The following SAMD12 variants were observed in gnomAD, a reference collection of about 807,000 sequenced individuals.
SAMD12 encodes sterile alpha motif domain-containing protein 12.
SAMD12 carries 9 observed loss-of-function variants against 15.0 expected under a neutral mutation model. That is an observed-to-expected ratio of 0.60 (90% CI 0.36 to 1.05). The LOEUF (loss-of-function observed/expected upper bound fraction) is 1.05. SAMD12 is among the 50% of genes least tolerant of loss of function. SAMD12 has a pLI of 0.01. For synonymous variants in SAMD12, 86 were observed against 90.1 expected, an observed-to-expected ratio of 0.96 and a Z score of 0.25; for missense variants, 230 against 234.2, an observed-to-expected ratio of 0.98 and a Z score of 0.12.
chr8:118,335,592 C>A (rs1490849758), intron 4 of SAMD12, among the ~76,000 whole-genome samples: 1 of 152,140 alleles, frequency 6.6e-6, no homozygotes, highest in Non-Finnish European at 1.5e-5. Context: ...AAAGTGTGTG[C>A]CGAATCTTTC....
At chr8:118,569,036 T>C (rs192582255) in intron 2 of SAMD12, among the ~76,000 whole-genome samples, 44 of 152,358 alleles carry the variant, frequency 2.9e-4, no homozygotes, top group Non-Finnish European at 5.1e-4. Flanking sequence ...ATTTGTTTTA[T>C]GATGGTGATA....
At chr8:118,453,130 C>T (rs916138987) in intron 2 of SAMD12, among the ~76,000 whole-genome samples, 6 of 152,132 alleles carry the variant, frequency 3.9e-5, no homozygotes, top group Non-Finnish European at 4.4e-5. Flanking sequence ...TCCTTGCCTT[C>T]AAAGTCTGAC....
At chr8:118,548,985 G>C (rs141679602) in intron 2 of SAMD12, among the ~76,000 whole-genome samples, 4,008 of 152,336 alleles carry the variant, frequency 0.026, 175 homozygotes, top group African/African-American at 0.089. Flanking sequence ...AGGGGCGCCC[G>C]CCATTGCGCA....
At chr8:118,477,015 G>A (rs1243473903) in intron 2 of SAMD12, among the ~76,000 whole-genome samples, 2 of 151,678 alleles carry the variant, frequency 1.3e-5, no homozygotes, top group Non-Finnish European at 2.9e-5. Flanking sequence ...TCTATTCACC[G>A]GGGTGAATTA....
At chr8:118,529,324 T>C (rs1361584390) in intron 2 of SAMD12, among the ~76,000 whole-genome samples, 7 of 152,234 alleles carry the variant, frequency 4.6e-5, no homozygotes, top group Admixed American at 1.3e-4. Flanking sequence ...AAATGACTTA[T>C]AATTTGCACC....
At chr8:118,376,583 A>AT (rs1237840907), downstream of SAMD12, among the ~76,000 whole-genome samples, 1 of 152,132 alleles carries the variant, frequency 6.6e-6, no homozygotes, top group Non-Finnish European at 1.5e-5. Flanking sequence ...AGATTATGGC[A>AT]TTTTGTTACC....
intron 1 of SAMD12, among the ~76,000 whole-genome samples, chr8:118,595,411 G>A (rs1471556429): frequency 6.6e-6 from 1 of 152,162 alleles, no homozygotes; most frequent in Non-Finnish European, 1.5e-5. Context: ...TCATTTTATG[G>A]TGGTGTAAAT....
At chr8:118,143,540 T>A in the SAMD12 span, among the ~76,000 whole-genome samples, 1,334 of 152,296 alleles carry the variant, frequency 8.8e-3, 24 homozygotes, top group African/African-American at 0.031. Context: ...GTTAGGGAGT[T>A]GCAAGCATGC....
the SAMD12 span, among the ~76,000 whole-genome samples, chr8:118,148,010 C>A: frequency 6.6e-6 from 1 of 151,948 alleles, no homozygotes; most frequent in Admixed American, 6.6e-5. Context: ...TCACTGCAGC[C>A]TCTGCCACCC....
intron 2 of SAMD12, among the ~76,000 whole-genome samples, chr8:118,548,310 A>G (rs533183724): frequency 4.6e-5 from 7 of 152,222 alleles, no homozygotes; most frequent in African/African-American, 7.2e-5. Flanking sequence ...TAATAGATAT[A>G]TGATTCCTTC....
At chr8:118,377,115 C>T (rs1380071006), downstream of SAMD12, among the ~76,000 whole-genome samples, 1 of 151,838 alleles carries the variant, frequency 6.6e-6, no homozygotes, top group Non-Finnish European at 1.5e-5. Flanking sequence ...TGAGCATTAA[C>T]ATGTGAAGAA....
At chr8:118,505,613 G>A (rs1824900441) in intron 2 of SAMD12, among the ~76,000 whole-genome samples, 1 of 151,746 alleles carries the variant, frequency 6.6e-6, no homozygotes, top group Non-Finnish European at 1.5e-5. Flanking sequence ...GAAGGCAGAG[G>A]AGAAAGACAG....
the SAMD12 span, among the ~76,000 whole-genome samples, chr8:118,154,912 G>T: frequency 6.6e-6 from 1 of 152,198 alleles, no homozygotes; most frequent in Non-Finnish European, 1.5e-5. Context: ...CAAGGGACCA[G>T]TTTGGGGCAG....
At chr8:118,309,380 A>ATGTGTG (rs35576833) in intron 4 of SAMD12, among the ~76,000 whole-genome samples, 6,019 of 143,882 alleles carry the variant, frequency 0.042, 307 homozygotes, top group African/African-American at 0.13. Flanking sequence ...TGAGATATAT[A>ATGTGTG]TGTGTGTGTG....
chr8:118,204,200 C>CTTAATTAA lies in SAMD12; in HGVS notation c.434-6476_434-6469dup, dbSNP rs34434714. On this transcript the variant is annotated intron_variant, in intron 4 of 4. Transcript: ENST00000409003. ...AGATTGGATGATTTAGAGAGGTATGCTTAATTAATTAATTAATTAATATGT... is the reference window on the plus strand; with the variant it reads ...AGATTGGATGATTTAGAGAGGTATGCTTAATTAATTAATTAATTAATTAATTAATATGT... Among the ~76,000 whole-genome samples, 98 of 150,770 alleles carry CTTAATTAA rather than the reference C, an allele frequency of 6.5e-4. 2 individuals are homozygous for CTTAATTAA. The highest frequency in any genetic ancestry group is 1.6e-3 in the East Asian group (8 of 5,124).
chr8:118,335,524 A>C (rs1381688080), intron 4 of SAMD12, among the ~76,000 whole-genome samples: 1 of 152,210 alleles, frequency 6.6e-6, no homozygotes, highest in Non-Finnish European at 1.5e-5. Context: ...GGTGTGACAC[A>C]CTAAATGCTT....
chr8:118,189,586 T>G (rs1439213658), exon 5 of SAMD12: 2 of 152,156 alleles, frequency 1.3e-5, no homozygotes, highest in African/African-American at 4.8e-5. Flanking sequence ...GAGATCATGC[T>G]CACAGATACA....
intron 4 of SAMD12, among the ~76,000 whole-genome samples, chr8:118,211,693 T>C (rs946855596): frequency 2.6e-5 from 4 of 152,182 alleles, no homozygotes; most frequent in South Asian, 2.1e-4. Flanking sequence ...CTTTTTTTTT[T>C]CTTAATTTTC....
chr8:118,469,774 A>T (rs538598792), intron 2 of SAMD12, among the ~76,000 whole-genome samples: 39 of 149,612 alleles, frequency 2.6e-4, no homozygotes, highest in African/African-American at 8.8e-4. Context: ...TGTTGGCCAG[A>T]CTGGACTCAA....
Sources: gnomAD v4.1 joint callset for allele counts (sites outside exome capture counted in the v4.1 genomes callset) on GRCh38, gnomAD v4.1.1 for gene constraint, MANE v1.5 for transcripts, NCBI Gene and HGNC (gene_info 2026-07-23, HGNC 2026-07-21) for gene names.